The following BANK1 variants were observed in gnomAD, a reference collection of about 807,000 sequenced individuals.
The protein encoded by BANK1 is B-cell scaffold protein with ankyrin repeats.
In BANK1, 95 loss-of-function variants were observed where a neutral mutation model predicts 94.5. That is an observed-to-expected ratio of 1.00 (90% CI 0.85 to 1.19). BANK1 has a LOEUF of 1.19. Ranked by LOEUF, BANK1 falls within the 50% of genes most tolerant of loss-of-function variation. The pLI is 0.00. For synonymous variants in BANK1, 334 were observed against 308.4 expected, an observed-to-expected ratio of 1.08 and a Z score of -0.87; for missense variants, 987 against 932.2, an observed-to-expected ratio of 1.06 and a Z score of -0.77.
At chr4:101,830,233 T>G in intron 2 of BANK1, 27 bp downstream of exon 2, 1 of 1,425,126 alleles carries the variant, frequency 7.0e-7, no homozygotes, top group Non-Finnish European at 9.1e-7. Context: ...TTGTTTGTTT[T>G]ATTTTTATTT....
At chr4:101,987,977 G>T (rs1343668202) in intron 7 of BANK1, among the ~76,000 whole-genome samples, 1 of 152,162 alleles carries the variant, frequency 6.6e-6, no homozygotes, top group Non-Finnish European at 1.5e-5. Flanking sequence ...AGAAGCACTG[G>T]TTGAGCTAAA....
intron 7 of BANK1, among the ~76,000 whole-genome samples, chr4:101,987,789 A>G (rs1232717871): frequency 6.6e-6 from 1 of 152,208 alleles, no homozygotes; most frequent in Non-Finnish European, 1.5e-5. Context: ...AAAATGTCCA[A>G]TCCTCTTTCT....
At chr4:101,980,762 T>C (rs1725300780) in intron 7 of BANK1, among the ~76,000 whole-genome samples, 1 of 152,052 alleles carries the variant, frequency 6.6e-6, no homozygotes, top group Non-Finnish European at 1.5e-5. Flanking sequence ...TTTGCAAAGA[T>C]GGTTTTACAT....
At chr4:101,807,952 G>A (rs1207405354) in intron 1 of BANK1, among the ~76,000 whole-genome samples, 1 of 151,908 alleles carries the variant, frequency 6.6e-6, no homozygotes, top group Non-Finnish European at 1.5e-5. Context: ...GGCTGTGGTG[G>A]CGCACACCTG....
intron 1 of BANK1, among the ~76,000 whole-genome samples, chr4:101,817,736 A>G (rs1379518541): frequency 1.3e-5 from 2 of 152,190 alleles, no homozygotes; most frequent in African/African-American, 4.8e-5. Context: ...GGCTATCCTG[A>G]TATGCCTTAA....
chr4:102,048,995 A>G (rs1419141023), intron 11 of BANK1, among the ~76,000 whole-genome samples: 1 of 152,210 alleles, frequency 6.6e-6, no homozygotes, highest in African/African-American at 2.4e-5. Context: ...ATTTGAAATT[A>G]GAAAATACTA....
At chr4:101,835,466 C>T (rs1358785285) in intron 2 of BANK1, among the ~76,000 whole-genome samples, 3 of 152,190 alleles carry the variant, frequency 2.0e-5, no homozygotes, top group Non-Finnish European at 2.9e-5. Flanking sequence ...GGAAAAACTT[C>T]TCTTTCTTGA....
intron 7 of BANK1, 36 bp from the exon 8 acceptor site, chr4:102,021,478 A>G: frequency 2.1e-6 from 2 of 950,828 alleles, no homozygotes; most frequent in South Asian, 1.7e-5. Flanking sequence ...ATTTATTAAG[A>G]TTAATGCATA....
intron 5 of BANK1, among the ~76,000 whole-genome samples, chr4:101,892,001 G>A (rs1239190739): frequency 2.6e-5 from 4 of 151,716 alleles, no homozygotes; most frequent in Admixed American, 1.3e-4. Flanking sequence ...TCCTCTTGGT[G>A]TTGGCATTTT....
intron 7 of BANK1, among the ~76,000 whole-genome samples, chr4:101,977,422 G>A (rs1260882924): frequency 2.6e-5 from 4 of 152,096 alleles, no homozygotes; most frequent in African/African-American, 4.8e-5. Flanking sequence ...CACTAATGAC[G>A]CAGATTAGCC....
intron 8 of BANK1, among the ~76,000 whole-genome samples, 156 bp from the exon 9 acceptor site, chr4:102,025,045 A>G (rs1169284531): frequency 6.6e-6 from 1 of 152,210 alleles, no homozygotes; most frequent in Non-Finnish European, 1.5e-5. Context: ...GAAATAAATG[A>G]CTGTTCACTA....
intron 1 of BANK1, among the ~76,000 whole-genome samples, chr4:101,825,003 C>T (rs1726310670): frequency 6.6e-6 from 1 of 151,960 alleles, no homozygotes; most frequent in Non-Finnish European, 1.5e-5. Context: ...ACAAATAAGG[C>T]ATTATTGAAT....
In BANK1 at chr4:101,813,905, T is replaced by C. The variant is rs146308504; in HGVS notation, c.71-15903T>C. 2.6e-3 allele frequency: 2,520 copies of C among 985,274 alleles called. 4 individuals carry two copies. The highest frequency in any genetic ancestry group is 2.9e-3 in the Non-Finnish European group (2,417 of 829,780). 61.0% of individuals were successfully genotyped at this position (985,274 alleles called of 1,614,324 possible). On this transcript the variant is annotated intron_variant, in intron 1 of 16. Coordinates refer to ENST00000322953, the MANE Select transcript of BANK1 (RefSeq NM_017935.5). The stretch of plus-strand genomic sequence containing the variant: ...CTTGCTTGCTGGTTTTGCTTGCATC[T>C]GATGAGTAGAAATTCAGCCTATTCT...
At chr4:101,984,376 A>G (rs1461334249) in intron 7 of BANK1, among the ~76,000 whole-genome samples, 2 of 152,040 alleles carry the variant, frequency 1.3e-5, no homozygotes, top group Non-Finnish European at 2.9e-5. Context: ...CTCTTTATAG[A>G]AAAGATAGCT....
chr4:101,872,326 A>G (rs1728322760), intron 5 of BANK1, among the ~76,000 whole-genome samples: 1 of 152,158 alleles, frequency 6.6e-6, no homozygotes, highest in Non-Finnish European at 1.5e-5. Flanking sequence ...GGCACCTAGA[A>G]GTATTGTGGG....
chr4:102,009,840 A>T (rs1043554254), intron 7 of BANK1, among the ~76,000 whole-genome samples: 44 of 152,176 alleles, frequency 2.9e-4, no homozygotes, highest in African/African-American at 1.0e-3. Flanking sequence ...CATATAAATT[A>T]TACATATGGA....
chr4:101,898,573 G>T (rs756987737), intron 6 of BANK1, among the ~76,000 whole-genome samples: 49 of 151,972 alleles, frequency 3.2e-4, no homozygotes, highest in Non-Finnish European at 6.6e-4. Context: ...ATAAGGAATT[G>T]AAAAAGTATA....
intron 1 of BANK1, among the ~76,000 whole-genome samples, chr4:101,793,599 A>G (rs1725063684): frequency 6.6e-6 from 1 of 152,162 alleles, no homozygotes; most frequent in African/African-American, 2.4e-5. Flanking sequence ...CCTACTTATG[A>G]TGGTCTTTTG....
chr4:101,876,104 C>T (rs141733418), intron 5 of BANK1, among the ~76,000 whole-genome samples: 92 of 152,274 alleles, frequency 6.0e-4, no homozygotes, highest in Middle Eastern at 6.8e-3. Context: ...ATAGGGAACC[C>T]ACTGCCTTGA....
Sources: gnomAD v4.1 joint callset for allele counts (sites outside exome capture counted in the v4.1 genomes callset) on GRCh38, gnomAD v4.1.1 for gene constraint, MANE v1.5 for transcripts, NCBI Gene and HGNC (gene_info 2026-07-23, HGNC 2026-07-21) for gene names.